Variants in CERS6 observed in about 807,000 individuals in gnomAD.
CERS6 encodes the protein LAG1 homolog, ceramide synthase 6.
In CERS6, 26 loss-of-function variants were observed where a neutral mutation model predicts 56.8. The observed-to-expected ratio is 0.46, with a 90% CI of 0.34 to 0.63. CERS6 has a LOEUF of 0.63. Among genes scored for constraint, CERS6 ranks in the 30% least tolerant of loss-of-function variants. The probability of loss-of-function intolerance (pLI) is 0.01; values close to 1 mark genes in which losing one functional copy is unlikely to be tolerated. For missense variants in CERS6, 415 were observed against 467.5 expected (o/e 0.89, Z 1.04); for synonymous variants, 164 against 173.3 (o/e 0.95, Z 0.42).
intron 1 of CERS6, among the ~76,000 whole-genome samples, chr2:168,510,687 T>C (rs536426735): frequency 1.3e-5 from 2 of 152,352 alleles, no homozygotes; most frequent in East Asian, 1.9e-4. Flanking sequence ...TCAGTGTTTT[T>C]TTCTTTTTCC....
intron 1 of CERS6, among the ~76,000 whole-genome samples, chr2:168,476,794 A>G (rs1028578429): frequency 1.3e-5 from 2 of 152,016 alleles, no homozygotes; most frequent in African/African-American, 4.8e-5. Flanking sequence ...CCAAGACCCC[A>G]GGCAATTGGA....
intron 1 of CERS6, among the ~76,000 whole-genome samples, chr2:168,477,700 A>G (rs190579331): frequency 1.2e-4 from 18 of 152,286 alleles, no homozygotes; most frequent in Admixed American, 1.2e-3. Context: ...GAATTTTGAT[A>G]GATATTGGAG....
rs115466409 is a variant in CERS6, at chr2:168,478,521, A to C, written c.170+21903A>C. ...TCTCTAGTCTAAAGCCTCTCTACTC[A>C]AAGTGTGAACCATAGACCATCAGCC... On this transcript the variant is annotated intron_variant, in intron 1 of 9. Transcript: ENST00000305747. Among the ~76,000 whole-genome samples the C allele has an allele frequency of 1.5e-3, 223 of 152,320 alleles. 3 individuals carry two copies. The highest frequency in any genetic ancestry group is 5.1e-3 in the African/African-American group (212 of 41,566).
chr2:168,512,422 A>G (rs1173942187), intron 1 of CERS6, among the ~76,000 whole-genome samples: 2 of 152,130 alleles, frequency 1.3e-5, no homozygotes, highest in African/African-American at 4.8e-5. Flanking sequence ...TTTCTTTCAT[A>G]TTTTTAAAAC....
chr2:168,577,155 G>A (rs1010578698), intron 3 of CERS6, among the ~76,000 whole-genome samples: 1 of 152,148 alleles, frequency 6.6e-6, no homozygotes, highest in Non-Finnish European at 1.5e-5. Context: ...GAGAGTGAGG[G>A]TAAGTAGAGG....
At chr2:168,728,051 A>G (rs564426044) in intron 8 of CERS6, among the ~76,000 whole-genome samples, 2 of 152,364 alleles carry the variant, frequency 1.3e-5, no homozygotes, top group Non-Finnish European at 2.9e-5. Flanking sequence ...TCCACAAAGT[A>G]TGGCCTGTAG....
chr2:168,729,252 G>A (rs960384151), intron 8 of CERS6, among the ~76,000 whole-genome samples: 6 of 152,188 alleles, frequency 3.9e-5, no homozygotes, highest in African/African-American at 7.2e-5. Flanking sequence ...TGCTAGGACC[G>A]AGATTTGAAA....
In CERS6 at chr2:168,518,949, A is replaced by C. The variant is rs531754283; in HGVS notation, c.171-28647A>C. 6.6e-5 allele frequency among the ~76,000 whole-genome samples: 10 copies of C among 152,082 alleles called. No individual in the cohort carries two copies. The East Asian group carries it at 1.9e-3, about 30-fold the overall frequency. On this transcript the variant is annotated intron_variant, in intron 1 of 9. Coordinates refer to ENST00000305747, the MANE Select transcript of CERS6 (RefSeq NM_203463.3). The stretch of plus-strand genomic sequence containing the variant: ...CACCTCCTTAGCATTTTGCACAGTC[A>C]GCAGTTCCCAACCTGGCTGCACACT...
intron 2 of CERS6, among the ~76,000 whole-genome samples, chr2:168,549,301 AG>A (rs1417339280): frequency 6.6e-6 from 1 of 152,138 alleles, no homozygotes; most frequent in East Asian, 1.9e-4. Context: ...TCCTCCATAA[AG>A]GTAATAAAAA....
chr2:168,498,653 A>G (rs960858339), intron 1 of CERS6, among the ~76,000 whole-genome samples: 2 of 152,192 alleles, frequency 1.3e-5, no homozygotes, highest in Non-Finnish European at 2.9e-5. Context: ...ATATCAAAAG[A>G]TGAAGCAAAG....
At chr2:168,584,425 A>T (rs796958514) in intron 3 of CERS6, among the ~76,000 whole-genome samples, 10 of 152,210 alleles carry the variant, frequency 6.6e-5, no homozygotes, top group African/African-American at 2.4e-4. Flanking sequence ...TATGTGTGAG[A>T]GAGAGAAAGA....
At chr2:168,568,956 A>G (rs1695933150) in intron 3 of CERS6, among the ~76,000 whole-genome samples, 1 of 152,262 alleles carries the variant, frequency 6.6e-6, no homozygotes, top group Non-Finnish European at 1.5e-5. Context: ...TTTTATACAC[A>G]TTAAATGGCT....
chr2:168,644,331 G>C (rs1685121178), intron 4 of CERS6: 1 of 985,080 alleles, frequency 1.0e-6, no homozygotes, highest in Admixed American at 6.2e-5. Flanking sequence ...GGTAAGTCTG[G>C]AATGTGGGAA....
At chr2:168,495,369 A>G (rs1694447523) in intron 1 of CERS6, among the ~76,000 whole-genome samples, 1 of 152,192 alleles carries the variant, frequency 6.6e-6, no homozygotes, top group Admixed American at 6.5e-5. Flanking sequence ...TGAGGTTTAA[A>G]TTTTTGGGTG....
At chr2:168,683,830 G>C (rs918956) in intron 4 of CERS6, among the ~76,000 whole-genome samples, 122,192 of 152,078 alleles carry the variant, frequency 0.8, 49,636 homozygotes, top group South Asian at 0.87. Flanking sequence ...CTTACCCTGA[G>C]CTGTAGTGTG....
Position 168,485,853 on chromosome 2 carries a change from A to T in CERS6, c.170+29235A>T, listed in dbSNP as rs1240266431. Among the ~76,000 whole-genome samples, 2 of 152,210 alleles carry T rather than the reference A, an allele frequency of 1.3e-5. 1 individual carries two copies. The stretch of plus-strand genomic sequence containing the variant: ...ATAAGTTTTCAAACCATTTGGGTTA[A>T]TACCTAGCATGATTTGGCAATCATG... On this transcript the variant is annotated intron_variant, in intron 1 of 9. Transcript: ENST00000305747.
chr2:168,476,803 G>GAT (rs1694080472), intron 1 of CERS6, among the ~76,000 whole-genome samples: 1 of 152,030 alleles, frequency 6.6e-6, no homozygotes, highest in South Asian at 2.1e-4. Flanking sequence ...CAGGCAATTG[G>GAT]ATAGTGTCTG....
At chr2:168,762,078 C>T (rs990786350) in intron 8 of CERS6, among the ~76,000 whole-genome samples, 1 of 151,918 alleles carries the variant, frequency 6.6e-6, no homozygotes, top group East Asian at 1.9e-4. Context: ...ACCTGGATGA[C>T]GGGTGAATGA....
chr2:168,745,038 C>T (rs1054282112), intron 8 of CERS6, among the ~76,000 whole-genome samples: 3 of 152,186 alleles, frequency 2.0e-5, no homozygotes, highest in Non-Finnish European at 4.4e-5. Context: ...TGGGAACCAT[C>T]AGCCTATTGA....
Sources: allele counts gnomAD v4.1 joint callset (sites outside exome capture counted in the v4.1 genomes callset), GRCh38; gene constraint gnomAD v4.1.1; transcripts MANE v1.5; gene names NCBI Gene and HGNC (gene_info 2026-07-23, HGNC 2026-07-21).